CCSER1: variants seen among roughly 807,000 people sequenced by gnomAD.
CCSER1 encodes the protein coiled-coil serine rich protein 1, also known as serine-rich coiled-coil domain-containing protein 1.
CCSER1 carries 41 observed loss-of-function variants against 82.0 expected under a neutral mutation model. The ratio of observed to expected loss-of-function variants is 0.50; its 90% CI spans 0.39 to 0.65. The LOEUF (loss-of-function observed/expected upper bound fraction) is 0.65, where lower values mean the gene tolerates loss of function less well. Ranked by LOEUF, CCSER1 falls within the 30% of genes least tolerant of loss-of-function variation. CCSER1 has a pLI of 0.00. For missense variants in CCSER1, 1,119 were observed against 1,064.2 expected, an observed-to-expected ratio of 1.05 and a Z score of -0.72; for synonymous variants, 414 against 383.9, an observed-to-expected ratio of 1.08 and a Z score of -0.92.
chr4:91,170,208 C>A (rs1225833249), intron 10 of CCSER1, among the ~76,000 whole-genome samples: 2 of 152,104 alleles, frequency 1.3e-5, no homozygotes, highest in South Asian at 2.1e-4. Context: ...GAAAAAAATA[C>A]CTCTATTATG....
In CCSER1 at chr4:91,006,195, A is replaced by G. The variant is rs115531483; in HGVS notation, c.2173-79755A>G. Among the ~76,000 whole-genome samples, 553 of 151,670 alleles carry G rather than the reference A, an allele frequency of 3.6e-3. 6 individuals carry two copies. The highest frequency in any genetic ancestry group is 0.013 in the African/African-American group (530 of 41,366). ...TCTTCTATTCCATTTTTTTTCACCA[A>G]TGTTTTATAGTTTTCAGTGTAGAGA... is the stretch of plus-strand genomic sequence containing the variant. On this transcript the variant is annotated intron_variant, in intron 9 of 10. Coordinates refer to ENST00000509176, the MANE Select transcript of CCSER1 (RefSeq NM_001145065.2).
intron 10 of CCSER1, among the ~76,000 whole-genome samples, chr4:91,558,772 C>G (rs1762522692): frequency 6.6e-6 from 1 of 151,454 alleles, no homozygotes; most frequent in Non-Finnish European, 1.5e-5. Flanking sequence ...AAAGACTGGC[C>G]CCCATGGTTC....
intron 9 of CCSER1, among the ~76,000 whole-genome samples, chr4:90,955,030 T>G (rs944381163): frequency 6.6e-6 from 1 of 152,224 alleles, no homozygotes; most frequent in Non-Finnish European, 1.5e-5. Flanking sequence ...TTGTAAATAT[T>G]TATCTACATT....
intron 3 of CCSER1, among the ~76,000 whole-genome samples, chr4:90,363,460 G>C (rs1193230132): frequency 6.6e-6 from 1 of 152,056 alleles, no homozygotes; most frequent in Non-Finnish European, 1.5e-5. Flanking sequence ...AAGTACACCA[G>C]ATCTGTTGGG....
At chr4:91,401,332 T>A (rs1752307078) in intron 10 of CCSER1, among the ~76,000 whole-genome samples, 1 of 148,342 alleles carries the variant, frequency 6.7e-6, no homozygotes, top group Non-Finnish European at 1.5e-5. Context: ...TGTATATATA[T>A]TACATATAAT....
At chr4:91,558,027 C>T (rs1560762034) in intron 10 of CCSER1, among the ~76,000 whole-genome samples, 1 of 150,710 alleles carries the variant, frequency 6.6e-6, no homozygotes, top group Non-Finnish European at 1.5e-5. Flanking sequence ...ATTTCTTAAA[C>T]ATTTTATTTA....
chr4:91,575,732 T>A (rs1763420476), intron 10 of CCSER1, among the ~76,000 whole-genome samples: 1 of 151,744 alleles, frequency 6.6e-6, no homozygotes, highest in Non-Finnish European at 1.5e-5. Flanking sequence ...ATACAATTTG[T>A]CAAAAAGTGT....
chr4:90,972,707 A>G (rs1735229235), intron 9 of CCSER1, among the ~76,000 whole-genome samples: 2 of 151,788 alleles, frequency 1.3e-5, no homozygotes, highest in Admixed American at 1.3e-4. Flanking sequence ...GAATACCCAA[A>G]GCAATCTTGA....
At chr4:91,350,407 T>C (rs1748394240) in intron 10 of CCSER1, among the ~76,000 whole-genome samples, 1 of 152,180 alleles carries the variant, frequency 6.6e-6, no homozygotes, top group East Asian at 1.9e-4. Flanking sequence ...ATTATTTTAT[T>C]GTTATTAAAA....
At chr4:90,605,136 C>G (rs183301362) in intron 5 of CCSER1, among the ~76,000 whole-genome samples, 8 of 152,288 alleles carry the variant, frequency 5.3e-5, no homozygotes, top group Non-Finnish European at 1.2e-4. Flanking sequence ...TTGAAGCCAG[C>G]TAGACCACGA....
At chr4:90,130,927 A>G (rs922051963) in intron 1 of CCSER1, among the ~76,000 whole-genome samples, 4 of 151,710 alleles carry the variant, frequency 2.6e-5, no homozygotes, top group African/African-American at 4.8e-5. Flanking sequence ...CCCACATTCT[A>G]TTCTTGAATT....
At chr4:90,139,939 G>A (rs915601176) in intron 1 of CCSER1, among the ~76,000 whole-genome samples, 16 of 152,042 alleles carry the variant, frequency 1.1e-4, no homozygotes, top group Non-Finnish European at 1.6e-4. Flanking sequence ...CAACCTGGGC[G>A]ACAGAGTGAG....
intron 5 of CCSER1, among the ~76,000 whole-genome samples, chr4:90,490,700 A>G (rs1767870809): frequency 6.6e-6 from 1 of 152,138 alleles, no homozygotes; most frequent in Non-Finnish European, 1.5e-5. Context: ...ATTTTTATAT[A>G]AGGTTTAAGG....
chr4:90,193,455 T>G (rs1229704520), intron 1 of CCSER1, among the ~76,000 whole-genome samples: 2 of 152,126 alleles, frequency 1.3e-5, no homozygotes, highest in Non-Finnish European at 2.9e-5. Flanking sequence ...TTAGGGTATC[T>G]TGGAGACAGT....
chr4:90,313,022 C>T lies in CCSER1; in HGVS notation c.1484C>T (p.Ser495Phe). 1.2e-6 allele frequency: 2 copies of T among 1,603,854 alleles called. No homozygotes were observed. Among genetic ancestry groups the T allele is most frequent in the Non-Finnish European group, 1.7e-6 (2 of 1,174,550 alleles). ...AGTTTAAGAAAGCAAAGAGCAGGTT[C>T]TTCATCTTCAAAAATGAACAGTTTG... Reference protein sequence around the residue: ...VNSLRKQRAGSSSSKMNSLDV... With the variant: ...VNSLRKQRAGFSSSKMNSLDV... The change falls in exon 3 of 11, where the codon TCT (serine) becomes TTT (phenylalanine). Residue 495 changes from serine (S) to phenylalanine (F), a missense_variant. Physicochemically the swap from Ser to Phe is radical, Grantham distance 155 (BLOSUM62 -2). Transcript: ENST00000509176.
intron 3 of CCSER1, among the ~76,000 whole-genome samples, chr4:90,378,092 A>C (rs566542456): frequency 6.6e-6 from 1 of 152,150 alleles, no homozygotes; most frequent in East Asian, 1.9e-4. Context: ...TATTTATTGA[A>C]CAATGCTTTT....
At chr4:90,189,209 A>G (rs1175768462) in intron 1 of CCSER1, among the ~76,000 whole-genome samples, 2 of 152,110 alleles carry the variant, frequency 1.3e-5, no homozygotes, top group East Asian at 1.9e-4. Context: ...GAAGGTACTC[A>G]TAGAAGCCCG....
At chr4:90,392,245 A>T (rs1751305799) in intron 3 of CCSER1, among the ~76,000 whole-genome samples, 1 of 152,028 alleles carries the variant, frequency 6.6e-6, no homozygotes. Flanking sequence ...ACTTAATAAT[A>T]AAATTATATT....
At chr4:90,888,932 G>C (rs1722552930) in intron 8 of CCSER1, among the ~76,000 whole-genome samples, 2 of 152,094 alleles carry the variant, frequency 1.3e-5, no homozygotes, top group South Asian at 4.1e-4. Context: ...GAAATTTCAT[G>C]GATGAAATAT....
Sources: allele counts gnomAD v4.1 joint callset (sites outside exome capture counted in the v4.1 genomes callset), GRCh38; gene constraint gnomAD v4.1.1; transcripts MANE v1.5; gene names NCBI Gene and HGNC (gene_info 2026-07-23, HGNC 2026-07-21).